EYS: variants seen among roughly 807,000 people sequenced by gnomAD.
EYS encodes protein eyes shut homolog.
A neutral mutation model predicts 282.1 loss-of-function variants in EYS; 250 were observed. That is an observed-to-expected ratio of 0.89 (90% CI 0.80 to 0.98). The LOEUF is 0.98. Among genes scored for constraint, EYS ranks in the 50% least tolerant of loss-of-function variants. EYS has a pLI of 0.00. For missense variants in EYS, 4,016 were observed against 3,709.0 expected, an observed-to-expected ratio of 1.08 and a Z score of -2.15; for synonymous variants, 1,355 against 1,282.9, an observed-to-expected ratio of 1.06 and a Z score of -1.20.
chr6:64,734,347 T>G (rs1007757371), intron 22 of EYS, among the ~76,000 whole-genome samples: 1 of 152,166 alleles, frequency 6.6e-6, no homozygotes, highest in Non-Finnish European at 1.5e-5. Context: ...TTTTTTAAGT[T>G]TTGTTTGAAG....
intron 13 of EYS, among the ~76,000 whole-genome samples, chr6:64,999,572 C>G (rs945737732): frequency 2.0e-5 from 3 of 152,146 alleles, no homozygotes; most frequent in African/African-American, 7.2e-5. Flanking sequence ...TTGCATTTCC[C>G]AAGACCACCC....
Position 65,142,519 on chromosome 6 carries a change from C to G in EYS, c.2024-84792G>C, listed in dbSNP as rs993699196. On this transcript the variant is annotated intron_variant, in intron 12 of 42. Transcript: ENST00000503581. ...ACACACACACACACACACACACACA[C>G]AGAGTTCCAATACTAATTTCTTGAT... 2.5e-3 allele frequency among the ~76,000 whole-genome samples: 372 copies of G among 146,462 alleles called. 2 individuals are homozygous for G. Among genetic ancestry groups the G allele is most frequent in the African/African-American group, 8.5e-3 (341 of 40,246 alleles).
chr6:63,814,453 T>C (rs1056948138), intron 36 of EYS, among the ~76,000 whole-genome samples: 1 of 152,224 alleles, frequency 6.6e-6, no homozygotes, highest in African/African-American at 2.4e-5. Flanking sequence ...CAATTCCTGC[T>C]CATAATAAAT....
At chr6:65,069,795 T>G (rs984970662) in intron 12 of EYS, among the ~76,000 whole-genome samples, 1 of 151,926 alleles carries the variant, frequency 6.6e-6, no homozygotes, top group African/African-American at 2.4e-5. Context: ...CTTCAAAATC[T>G]CTCCTTCAAC....
At chr6:64,248,394 T>C (rs1407845615) in intron 30 of EYS, among the ~76,000 whole-genome samples, 6 of 152,184 alleles carry the variant, frequency 3.9e-5, no homozygotes, top group African/African-American at 9.6e-5. Context: ...CTGGAGGCAG[T>C]TGAAGGAGGA....
intron 2 of EYS, among the ~76,000 whole-genome samples, chr6:65,612,791 TTTAAA>T (rs922929536): frequency 2.0e-5 from 3 of 151,710 alleles, no homozygotes; most frequent in African/African-American, 7.2e-5. Flanking sequence ...AGTGATTAAA[TTTAAA>T]TTAAGATAGT....
At position 64,424,227 on chromosome 6, in the gene EYS, C is replaced by T. The variant is rs373839771; in HGVS notation, c.5927+11947G>A. ...CCGTTTTCATATTTTTGACAGTTTA[C>T]GACCTACATAAAATATGCACACAGA... On this transcript the variant is annotated intron_variant, in intron 28 of 42. Transcript: ENST00000503581. Among the ~76,000 whole-genome samples, 11 of 152,092 alleles carry T rather than the reference C, an allele frequency of 7.2e-5. No homozygotes were observed. The East Asian group carries it at 1.3e-3, about 19-fold the overall frequency.
At chr6:64,131,322 T>A (rs138028423) in intron 31 of EYS, among the ~76,000 whole-genome samples, 1,664 of 152,322 alleles carry the variant, frequency 0.011, 26 homozygotes, top group African/African-American at 0.038. Flanking sequence ...ATTGATTTAT[T>A]TAAAAGTCTT....
At chr6:65,523,545 T>A (rs1437551984) in intron 2 of EYS, among the ~76,000 whole-genome samples, 1 of 152,040 alleles carries the variant, frequency 6.6e-6, no homozygotes, top group African/African-American at 2.4e-5. Context: ...ATGGGGAAAT[T>A]TTGGGCAAAA....
intron 36 of EYS, among the ~76,000 whole-genome samples, chr6:63,851,638 C>T (rs956370947): frequency 3.3e-5 from 5 of 152,090 alleles, no homozygotes; most frequent in African/African-American, 7.2e-5. Context: ...AACAAAGACA[C>T]AACATATCAG....
intron 33 of EYS, among the ~76,000 whole-genome samples, chr6:64,055,145 C>T (rs760373739): frequency 5.3e-5 from 8 of 152,144 alleles, no homozygotes; most frequent in Non-Finnish European, 8.8e-5. Context: ...ACAAGCCTAA[C>T]AAGCAAGAAC....
At chr6:64,073,683 G>C (rs1329218135) in intron 32 of EYS, among the ~76,000 whole-genome samples, 1 of 151,656 alleles carries the variant, frequency 6.6e-6, no homozygotes, top group African/African-American at 2.4e-5. Flanking sequence ...TATGGATTGA[G>C]TAATCCATAT....
intron 22 of EYS, among the ~76,000 whole-genome samples, chr6:64,725,487 G>A (rs1351103614): frequency 6.6e-6 from 1 of 152,028 alleles, no homozygotes. Flanking sequence ...AGCTCAACTG[G>A]TTTATCTTCC....
intron 36 of EYS, among the ~76,000 whole-genome samples, chr6:63,815,413 A>T (rs1771153477): frequency 6.6e-6 from 1 of 152,312 alleles, no homozygotes; most frequent in South Asian, 2.1e-4. Context: ...TGGGATACTC[A>T]TGACATTGGC....
intron 31 of EYS, among the ~76,000 whole-genome samples, chr6:64,166,728 A>G (rs567796299): frequency 6.6e-6 from 1 of 152,346 alleles, no homozygotes; most frequent in South Asian, 2.1e-4. Context: ...ATGTTCTTTC[A>G]TTCAACTTCG....
chr6:64,914,136 T>G (rs1768090522), intron 15 of EYS, among the ~76,000 whole-genome samples: 1 of 152,034 alleles, frequency 6.6e-6, no homozygotes, highest in African/African-American at 2.4e-5. Context: ...ACACACAAAG[T>G]GTCCATTTGA....
intron 26 of EYS, among the ~76,000 whole-genome samples, chr6:64,582,597 T>C (rs1277513517): frequency 1.3e-5 from 2 of 151,512 alleles, no homozygotes; most frequent in Admixed American, 1.3e-4. Flanking sequence ...TTTTTTTTTT[T>C]TTGCTTGCTA....
intron 41 of EYS, among the ~76,000 whole-genome samples, chr6:63,727,722 A>AG: frequency 1.1e-5 from 1 of 94,004 alleles, no homozygotes; most frequent in African/African-American, 6.1e-5. Context: ...AAAAAAAAAA[A>AG]AAAAAAAAAA....
At chr6:65,151,428 G>T (rs1188391759) in intron 12 of EYS, among the ~76,000 whole-genome samples, 8 of 151,920 alleles carry the variant, frequency 5.3e-5, no homozygotes, top group Admixed American at 5.3e-4. Flanking sequence ...AGCTAGAATG[G>T]CTATTTAAGA....
Sources: gnomAD v4.1 joint callset for allele counts (sites outside exome capture counted in the v4.1 genomes callset) on GRCh38, gnomAD v4.1.1 for gene constraint, MANE v1.5 for transcripts, NCBI Gene and HGNC (gene_info 2026-07-23, HGNC 2026-07-21) for gene names.